CMTR1: variants seen among roughly 807,000 people sequenced by gnomAD.
CMTR1 encodes the protein cap-specific mRNA (nucleoside-2'-O-)-methyltransferase 1.
A neutral mutation model predicts 107.0 loss-of-function variants in CMTR1; 39 were observed. That is an observed-to-expected ratio of 0.36 (90% confidence interval 0.28 to 0.48). The LOEUF (loss-of-function observed/expected upper bound fraction) is 0.48. CMTR1 is among the 20% of genes least tolerant of loss of function. The pLI is 0.99. For synonymous variants in CMTR1, 366 were observed against 379.5 expected (o/e 0.96, Z 0.41); for missense variants, 672 against 1,064.9 (o/e 0.63, Z 5.14).
chr6:37,456,343 C>CA (rs1761293981), intron 8 of CMTR1, among the ~76,000 whole-genome samples: 1 of 152,140 alleles, frequency 6.6e-6, no homozygotes, highest in Non-Finnish European at 1.5e-5. Flanking sequence ...GGCTCAGGAA[C>CA]AAAGAATGCT....
At chr6:37,479,077 A>C in intron 22 of CMTR1, 70 bp from the exon 23 acceptor site, 2 of 1,055,842 alleles carry the variant, frequency 1.9e-6, no homozygotes, top group Non-Finnish European at 2.9e-6. Flanking sequence ...GGAGTGGAGG[A>C]AGGTACACGC....
At chr6:37,462,434 C>T (rs2113881525) in intron 12 of CMTR1, among the ~76,000 whole-genome samples, 1 of 152,258 alleles carries the variant, frequency 6.6e-6, no homozygotes, top group South Asian at 2.1e-4. Flanking sequence ...CTACTGGGGT[C>T]CCAGTGTGAC....
At chr6:37,444,260 C>G (rs1581730781) in intron 3 of CMTR1, 110 bp downstream of exon 3, 1 of 1,334,682 alleles carries the variant, frequency 7.5e-7, no homozygotes, top group East Asian at 2.3e-5. Context: ...TTTTCCTTTG[C>G]TTTTCAGCTA....
Position 37,480,972 on chromosome 6 carries a change from C to G in CMTR1, c.*827C>G. On this transcript the variant is annotated 3_prime_UTR_variant, in exon 24 of 24. Transcript: ENST00000373451. ...ACAGCAGCAGGGGCCCCAGCAGTAA[C>G]AAAGGGTACCTCCAGGGGTTTGGGT... 3.1e-6 allele frequency: 4 copies of G among 1,276,504 alleles called. No homozygotes were observed. In the South Asian group the frequency reaches 5.2e-5, roughly 17 times the overall value. The allele number at this position is 1,276,504 out of a possible 1,614,324, so 79.1% of individuals were successfully genotyped here. A position where few individuals can be genotyped will look rare whatever the true frequency, so the allele number is the denominator to read the frequency against.
intron 19 of CMTR1, chr6:37,475,808 G>A (rs930463315): frequency 3.5e-5 from 17 of 479,416 alleles, no homozygotes; most frequent in Non-Finnish European, 7.6e-6. Flanking sequence ...GCTTTGGGGT[G>A]ACAGGGCAGA....
intron 13 of CMTR1, among the ~76,000 whole-genome samples, chr6:37,467,001 C>T (rs1336739853): frequency 2.0e-5 from 3 of 152,074 alleles, no homozygotes; most frequent in East Asian, 3.8e-4. Context: ...GAAGCCCTGT[C>T]TCTACAAAAC....
In CMTR1 at chr6:37,471,004, A is replaced by ATTT; in HGVS notation, c.1506-10_1506-8dup. 1 of 1,580,020 alleles carries ATTT rather than the reference A, an allele frequency of 6.3e-7. No individual in the cohort carries two copies. The highest frequency in any genetic ancestry group is 8.6e-7 in the Non-Finnish European group (1 of 1,163,924). On this transcript the variant is annotated splice_polypyrimidine_tract_variant and intron_variant, in intron 13 of 23. Transcript: ENST00000373451. ...TTTTTGGTAATCCTGAGATCAAATA[A>ATTT]TTTTTTTTTCTTCTAGCCACTGTAG...
In CMTR1 at chr6:37,473,689, A is replaced by G. The variant is rs1222378704; in HGVS notation, c.1821+88A>G. The G allele has an allele frequency of 3.4e-6, 5 of 1,475,150 alleles. No individual in the cohort carries two copies. In the African/African-American group the frequency reaches 5.6e-5, roughly 16 times the overall value. 91.4% of individuals were successfully genotyped at this position (1,475,150 alleles called of 1,614,324 possible). A position where few individuals can be genotyped will look rare whatever the true frequency, so the allele number is the denominator to read the frequency against. On this transcript the variant is annotated intron_variant, in intron 17 of 23. Transcript: ENST00000373451. ...GACAGCTGCCTGCCACACTTGGTAC[A>G]TGTTCTCTTGGCATTAAGTAGCTGT...
intron 2 of CMTR1, among the ~76,000 whole-genome samples, chr6:37,439,587 G>A (rs1771620787): frequency 6.6e-6 from 1 of 152,120 alleles, no homozygotes; most frequent in East Asian, 1.9e-4. Context: ...TCCTTTATCG[G>A]TATCTGTTTA....
intron 3 of CMTR1, among the ~76,000 whole-genome samples, chr6:37,445,064 C>T (rs1453209120): frequency 6.6e-6 from 1 of 152,050 alleles, no homozygotes. Flanking sequence ...ATAGTTGACC[C>T]CTCCATTTTC....
chr6:37,463,025 GT>G lies in CMTR1; in HGVS notation c.1505+22del, dbSNP rs765096000. On this transcript the variant is annotated intron_variant, in intron 13 of 23. Coordinates refer to ENST00000373451, the MANE Select transcript of CMTR1 (RefSeq NM_015050.3). ...CAATGAGAGGTAAGCCAACGGGCTG[GT>G]TTTTGCTGGTAACACTGAGGTCCTA... 8.7e-6 allele frequency: 14 copies of G among 1,611,494 alleles called. No individual in the cohort carries two copies. The highest frequency in any genetic ancestry group is 1.6e-4 in the Middle Eastern group (1 of 6,078).
At chr6:37,466,113 T>TTTTTTTTTTTTTTTTTTTTAAAC (rs1761506166) in intron 13 of CMTR1, among the ~76,000 whole-genome samples, 1 of 122,220 alleles carries the variant, frequency 8.2e-6, no homozygotes, top group Non-Finnish European at 1.5e-5. Flanking sequence ...TTACAGTTTT[T>TTTTTTTTTTTTTTTTTTTTAAAC]GTTTTTTTTT....
chr6:37,437,419 C>T (rs906653156), intron 2 of CMTR1, among the ~76,000 whole-genome samples: 3 of 145,410 alleles, frequency 2.1e-5, no homozygotes, highest in African/African-American at 7.7e-5. Context: ...CCCAGCTACT[C>T]GGGAGGCTGA....
At chr6:37,463,761 C>T (rs956291565) in intron 13 of CMTR1, among the ~76,000 whole-genome samples, 6 of 152,098 alleles carry the variant, frequency 3.9e-5, no homozygotes, top group Non-Finnish European at 7.4e-5. Flanking sequence ...AGTCTTTATC[C>T]TATTCTCTCC....
intron 2 of CMTR1, among the ~76,000 whole-genome samples, chr6:37,437,312 G>T (rs1771551716): frequency 1.3e-5 from 2 of 151,412 alleles, no homozygotes; most frequent in South Asian, 4.2e-4. Context: ...GGATCACGAG[G>T]TCAGGAGATC....
Position 37,480,163 on chromosome 6 carries a change from A to G in CMTR1, c.*18A>G. On this transcript the variant is annotated 3_prime_UTR_variant, in exon 24 of 24. Transcript: ENST00000373451. ...GGGCCTAAGAGCCTCAGAATGTGCC[A>G]CCCCTGCAGAATGCCCTGTCATTCC... 1.3e-6 allele frequency: 2 copies of G among 1,595,658 alleles called. No individual in the cohort carries two copies. Among genetic ancestry groups the G allele is most frequent in the Admixed American group, 1.7e-5 (1 of 57,678 alleles).
rs200776117 is a variant in CMTR1 at position 37,458,796 on chromosome 6, T to G, written c.962T>G (p.Phe321Cys). 1 of 1,614,054 alleles carries G rather than the reference T, an allele frequency of 6.2e-7. No homozygotes were observed. Among genetic ancestry groups the G allele is most frequent in the Non-Finnish European group, 8.5e-7 (1 of 1,180,026 alleles). Residue 321 changes from phenylalanine to cysteine, a missense_variant, in exon 9 of 24, where the codon TTC (phenylalanine) becomes TGC (cysteine). By Grantham distance (205) the Phe-to-Cys change is radical (BLOSUM62 -2). Around this residue, in one of 2 missense-constraint regions of CMTR1, gnomAD observed 583 missense variants for 968.4 expected, o/e 0.60. Transcript: ENST00000373451. The surrounding 1 kb of genome is among the most constrained non-coding windows in gnomAD (Gnocchi z 4.7). The stretch of plus-strand genomic sequence containing the variant: ...TTCTACTCTGCTTCCAGTGAACTCT[T>G]CGAACCCTACTATGGTAGGGACATT... Reference protein sequence around the residue: ...EDFYSASSELFEPYYGEGGID... With the variant: ...EDFYSASSELCEPYYGEGGID...
chr6:37,476,526 T>C (rs1490760171), intron 20 of CMTR1, among the ~76,000 whole-genome samples: 1 of 152,212 alleles, frequency 6.6e-6, no homozygotes, highest in Non-Finnish European at 1.5e-5. Context: ...TAATTTTTTT[T>C]CAGGTAAGAA....
chr6:37,444,411 C>G (rs540769390), intron 3 of CMTR1, among the ~76,000 whole-genome samples: 2 of 152,232 alleles, frequency 1.3e-5, no homozygotes, highest in African/African-American at 4.8e-5. Flanking sequence ...GTAATGAATT[C>G]TTATTACTAA....
Sources: gnomAD v4.1 joint callset for allele counts (sites outside exome capture counted in the v4.1 genomes callset) on GRCh38, gnomAD v4.1.1 for gene constraint, gnomAD v4.1.1 regional missense constraint, Gnocchi (gnomAD v3.1) non-coding constraint, MANE v1.5 for transcripts, NCBI Gene and HGNC (gene_info 2026-07-23, HGNC 2026-07-21) for gene names.